Variants in TTLL9 observed in about 807,000 individuals in gnomAD.
The protein encoded by TTLL9 is tubulin tyrosine ligase like 9.
A neutral mutation model predicts 65.6 loss-of-function variants in TTLL9; 47 were observed. That is an observed-to-expected ratio of 0.72 (90% CI 0.57 to 0.91). The LOEUF is 0.91. TTLL9 is among the 40% of genes least tolerant of loss of function. The probability of loss-of-function intolerance (pLI) is 0.00; values close to 1 mark genes in which losing one functional copy is unlikely to be tolerated. For synonymous variants in TTLL9, 179 were observed against 204.8 expected, an observed-to-expected ratio of 0.87 and a Z score of 1.07; for missense variants, 537 against 568.8, an observed-to-expected ratio of 0.94 and a Z score of 0.57.
At chr20:31,908,528 G>A in intron 4 of TTLL9, 63 bp from the exon 5 acceptor site, 1 of 1,169,230 alleles carries the variant, frequency 8.6e-7, no homozygotes. Flanking sequence ...GCACCTCCCT[G>A]GGCCCTGCAG....
chr20:31,877,915 A>C (rs1308820614), intron 2 of TTLL9, among the ~76,000 whole-genome samples: 1 of 152,208 alleles, frequency 6.6e-6, no homozygotes, highest in Non-Finnish European at 1.5e-5. Flanking sequence ...CATTGCATTT[A>C]TTTGATGTCC....
At position 31,918,291 on chromosome 20, in the gene TTLL9, C is replaced by T. The variant is rs1600590767; in HGVS notation, c.505-1573C>T. On this transcript the variant is annotated intron_variant, in intron 6 of 14. Coordinates refer to ENST00000535842, the MANE Select transcript of TTLL9 (RefSeq NM_001008409.5). ...AAGTGGCAGTGTTTGTCCGAGATGA[C>T]GAGATGACGGTGCTCTTGTTCTGTC... Among the ~76,000 whole-genome samples, 3 of 152,074 alleles carry T rather than the reference C, an allele frequency of 2.0e-5. No individual in the cohort carries two copies. The South Asian group carries it at 6.2e-4, about 31-fold the overall frequency.
At position 31,903,642 on chromosome 20, in the gene TTLL9, A is replaced by G. The variant is rs563020891; in HGVS notation, c.207-4949A>G. 1.4e-4 allele frequency among the ~76,000 whole-genome samples: 21 copies of G among 152,266 alleles called. No homozygotes were observed. In the South Asian group the frequency reaches 3.9e-3, roughly 29 times the overall value. ...CTAGATCTTCGATTTAATTTTTTAT[A>G]TGGTGTGAGGTAGGTGTCCAACTTT... On this transcript the variant is annotated intron_variant, in intron 4 of 14. Coordinates refer to ENST00000535842, the MANE Select transcript of TTLL9 (RefSeq NM_001008409.5).
chr20:31,881,585 G>T (rs1413660581), intron 2 of TTLL9, among the ~76,000 whole-genome samples: 2 of 149,012 alleles, frequency 1.3e-5, no homozygotes, highest in African/African-American at 4.9e-5. Context: ...TAAATACACA[G>T]ATTGGGACAC....
intron 4 of TTLL9, among the ~76,000 whole-genome samples, chr20:31,900,502 A>G (rs911678213): frequency 5.3e-5 from 8 of 152,180 alleles, no homozygotes; most frequent in African/African-American, 1.9e-4. Context: ...CTGCTTGGGA[A>G]GGCTTTACTA....
At position 31,943,001 on chromosome 20, in the gene TTLL9, C is replaced by G. The variant is rs1411507249; in HGVS notation, c.1300C>G (p.Gln434Glu). 7 of 1,614,014 alleles carry G rather than the reference C, an allele frequency of 4.3e-6. No homozygotes were observed. Among genetic ancestry groups the G allele is most frequent in the Non-Finnish European group, 5.9e-6 (7 of 1,179,936 alleles). Residue 434 changes from glutamine (Q) to glutamate (E), a missense_variant, in exon 15 of 15, where the codon CAG becomes GAG. Physicochemically the swap from Gln to Glu is conservative, Grantham distance 29. Coordinates refer to ENST00000535842, the MANE Select transcript of TTLL9 (RefSeq NM_001008409.5). ...GCAGCTCTTCTGCTCCCTTCAAGTTCAGAAGAAAGCTTCCAGTTGATCCCC... is the reference window on the plus strand; with the variant it reads ...GCAGCTCTTCTGCTCCCTTCAAGTTGAGAAGAAAGCTTCCAGTTGATCCCC... ...LRQLFCSLQV[Q>E]KKASS
At chr20:31,893,694 T>A (rs1408102248) in intron 3 of TTLL9, among the ~76,000 whole-genome samples, 2 of 152,016 alleles carry the variant, frequency 1.3e-5, no homozygotes, top group East Asian at 3.9e-4. Flanking sequence ...AAGACTGTTC[T>A]GTTTTTCAGC....
chr20:31,929,295 A>G (rs1241973108), intron 10 of TTLL9, among the ~76,000 whole-genome samples: 1 of 152,244 alleles, frequency 6.6e-6, no homozygotes, highest in South Asian at 2.1e-4. Flanking sequence ...TGTTTCTACA[A>G]TGGATAGGCC....
At chr20:31,913,246 A>G (rs2063683547) in intron 6 of TTLL9, among the ~76,000 whole-genome samples, 2 of 152,232 alleles carry the variant, frequency 1.3e-5, no homozygotes, top group South Asian at 4.1e-4. Flanking sequence ...ACTGGGCACC[A>G]TAGCCTAATC....
chr20:31,939,021 A>T, intron 13 of TTLL9, 121 bp from the exon 14 acceptor site: 1 of 1,199,688 alleles, frequency 8.3e-7, no homozygotes, highest in Non-Finnish European at 1.1e-6. Context: ...AATGGTTGGG[A>T]AAAAGGACTT....
intron 6 of TTLL9, 53 bp from the exon 7 acceptor site, chr20:31,919,811 A>G (rs2063788770): frequency 1.4e-6 from 2 of 1,464,234 alleles, no homozygotes; most frequent in African/African-American, 1.5e-5. Context: ...ACGGGGGCCA[A>G]CAAGGAACCA....
At chr20:31,880,624 C>T (rs2063104175) in intron 2 of TTLL9, among the ~76,000 whole-genome samples, 1 of 151,864 alleles carries the variant, frequency 6.6e-6, no homozygotes, top group Non-Finnish European at 1.5e-5. Context: ...TCCTGAGTAG[C>T]TGGGACTACA....
intron 2 of TTLL9, among the ~76,000 whole-genome samples, chr20:31,878,249 T>A (rs1463789129): frequency 1.3e-5 from 2 of 152,214 alleles, no homozygotes; most frequent in African/African-American, 4.8e-5. Context: ...CTGTAGATTA[T>A]CTTGGATTTT....
chr20:31,880,865 T>TG (rs1359146997), intron 2 of TTLL9, among the ~76,000 whole-genome samples: 1 of 148,986 alleles, frequency 6.7e-6, no homozygotes, highest in Non-Finnish European at 1.5e-5. Context: ...TTTTTTTTTT[T>TG]TTTTTTTGAG....
chr20:31,923,141 C>A, intron 8 of TTLL9, 88 bp downstream of exon 8: 1 of 991,838 alleles, frequency 1.0e-6, no homozygotes, highest in Non-Finnish European at 1.6e-6. Context: ...CTGCCAAGGG[C>A]CCAGCCTGAC....
At chr20:31,917,665 A>G (rs944089372) in intron 6 of TTLL9, among the ~76,000 whole-genome samples, 1 of 151,918 alleles carries the variant, frequency 6.6e-6, no homozygotes, top group African/African-American at 2.4e-5. Context: ...CCACATCCTC[A>G]CCAATACTTG....
chr20:31,943,617 G>A lies in TTLL9; in HGVS notation c.*596G>A, dbSNP rs1300252435. 1 of 401,746 alleles carries A rather than the reference G, an allele frequency of 2.5e-6. No homozygotes were observed. Among genetic ancestry groups the A allele is most frequent in the Non-Finnish European group, 5.0e-6 (1 of 201,132 alleles). 24.9% of individuals were successfully genotyped at this position (401,746 alleles called of 1,614,324 possible). A position where few individuals can be genotyped will look rare whatever the true frequency, so the allele number is the denominator to read the frequency against. On this transcript the variant is annotated 3_prime_UTR_variant, in exon 15 of 15. Transcript: ENST00000535842. Reference sequence around the variant, plus strand: ...TCCTTGCATGTCAGGGGAGCCCATGGGGCTCCCTGACCATCATCTGAAAAC... The same window carrying A: ...TCCTTGCATGTCAGGGGAGCCCATGAGGCTCCCTGACCATCATCTGAAAAC...
At chr20:31,939,378 C>A in intron 14 of TTLL9, 112 bp downstream of exon 14, 1 of 1,286,190 alleles carries the variant, frequency 7.8e-7, no homozygotes, top group Non-Finnish European at 1.0e-6. Flanking sequence ...CAATCTGCAA[C>A]TTACCAGCTG....
At chr20:31,911,176 A>G (rs1297169465) in intron 6 of TTLL9, among the ~76,000 whole-genome samples, 2 of 151,336 alleles carry the variant, frequency 1.3e-5, no homozygotes, top group Non-Finnish European at 3.0e-5. Context: ...CTCCGTCTCA[A>G]AAAAAAAAGA....
Sources: gnomAD v4.1 joint callset for allele counts (sites outside exome capture counted in the v4.1 genomes callset) on GRCh38, gnomAD v4.1.1 for gene constraint, MANE v1.5 for transcripts, NCBI Gene and HGNC (gene_info 2026-07-23, HGNC 2026-07-21) for gene names.